The following ELMOD3 variants were observed in gnomAD, a reference collection of about 807,000 sequenced individuals.
The protein encoded by ELMOD3 is ELMO domain-containing protein 3.
Under a neutral mutation model 47.4 loss-of-function variants are expected in ELMOD3, and 36 were observed. The observed-to-expected ratio is 0.76, with a 90% CI of 0.58 to 1.00. The LOEUF (loss-of-function observed/expected upper bound fraction) is 1.00, where lower values mean the gene tolerates loss of function less well. Among genes scored for constraint, ELMOD3 ranks in the 50% least tolerant of loss-of-function variants. The pLI is 0.00. For synonymous variants in ELMOD3, 149 were observed against 183.5 expected, an observed-to-expected ratio of 0.81 and a Z score of 1.52; for missense variants, 404 against 463.8, an observed-to-expected ratio of 0.87 and a Z score of 1.18.
In ELMOD3 at chr2:85,371,785, G is replaced by A. The variant is rs1163153936; in HGVS notation, c.607+223G>A. 8.3e-6 allele frequency: 4 copies of A among 483,260 alleles called. No individual in the cohort carries two copies. In the Admixed American group the frequency reaches 1.4e-4, roughly 17 times the overall value. The allele number at this position is 483,260 out of a possible 1,614,324, so 29.9% of individuals were successfully genotyped here. ...GTGGTGGCTCACGCCTGTAATCCCA[G>A]CACTTTGGGAGGCTGAAGAGGGCAG... On this transcript the variant is annotated intron_variant, in intron 10 of 13. Transcript: ENST00000409013.
rs993433494 is a variant in ELMOD3, at chr2:85,390,877, C to T, written c.1061C>T (p.Pro354Leu). 3.2e-6 allele frequency: 5 copies of T among 1,551,556 alleles called. No homozygotes were observed. In the Admixed American group the frequency reaches 9.8e-5, roughly 30 times the overall value. The change falls in exon 14 of 14, where the codon CCA becomes CTA. Residue 354 changes from proline (P) to leucine (L), a missense_variant. Transcript: ENST00000409013. ...SLLGAQKCYG[P>L]EAPPFKDLTF... is the part of the protein sequence containing the mutation. ...TTGGGAGCACAGAAGTGCTATGGGC[C>T]AGAAGCCCCTCCCTTCAAGGATCTC...
chr2:85,368,581 T>TAA (rs898923797), intron 6 of ELMOD3, 105 bp from the exon 7 acceptor site: 95 of 907,370 alleles, frequency 1.0e-4, no homozygotes, highest in Non-Finnish European at 1.3e-4. Flanking sequence ...CCCCATCTCT[T>TAA]AAAAAAAAAA....
intron 8 of ELMOD3, among the ~76,000 whole-genome samples, chr2:85,370,194 G>A (rs1399032166): frequency 1.3e-5 from 2 of 152,128 alleles, no homozygotes; most frequent in Non-Finnish European, 2.9e-5. Context: ...TTCCCTCAAG[G>A]AACCAGAAGC....
chr2:85,360,359 CT>C (rs1195786903), intron 4 of ELMOD3, among the ~76,000 whole-genome samples: 136 of 128,944 alleles, frequency 1.1e-3, no homozygotes, highest in Admixed American at 1.0e-3. Context: ...GTTGGTTTTT[CT>C]TTTTTTTTTT....
Position 85,361,226 on chromosome 2 carries a change from AGC to A in ELMOD3, c.55-959_55-958del, listed in dbSNP as rs1431121770. 9.4e-4 allele frequency among the ~76,000 whole-genome samples: 143 copies of A among 152,358 alleles called. 1 individual carries two copies. The highest frequency in any genetic ancestry group is 1.4e-3 in the Non-Finnish European group (95 of 68,030). ...GGTCGGTTTTTTGTTTTTCATCTGT[AGC>A]AGGGGATAGGTTTGGCTGAGCAGAA... On this transcript the variant is annotated intron_variant, in intron 4 of 13. Coordinates refer to ENST00000409013, the MANE Select transcript of ELMOD3 (RefSeq NM_001135022.2).
chr2:85,375,719 T>C (rs1308148072), intron 10 of ELMOD3, among the ~76,000 whole-genome samples: 2 of 152,240 alleles, frequency 1.3e-5, no homozygotes, highest in Non-Finnish European at 2.9e-5. Context: ...TATTGTCTTA[T>C]AGTTTTCTAG....
intron 5 of ELMOD3, among the ~76,000 whole-genome samples, 177 bp from the exon 6 acceptor site, chr2:85,362,920 A>G (rs2104514938): frequency 6.6e-6 from 1 of 152,354 alleles, no homozygotes; most frequent in Middle Eastern, 3.4e-3. Flanking sequence ...TCCGTCTCAA[A>G]AAATAAATAA....
Position 85,368,677 on chromosome 2 carries a change from C to T in ELMOD3, c.200-9C>T. The T allele has an allele frequency of 6.2e-7, 1 of 1,613,982 alleles. No individual in the cohort carries two copies. Among genetic ancestry groups the T allele is most frequent in the Non-Finnish European group, 8.5e-7 (1 of 1,179,926 alleles). On this transcript the variant is annotated splice_polypyrimidine_tract_variant and intron_variant, in intron 6 of 13. Transcript: ENST00000409013. ...TCTCAGAGGGTCTCCTTTTCTCCTA[C>T]TATTGCAGTTGTGAGTACAGAGGTG...
intron 11 of ELMOD3, among the ~76,000 whole-genome samples, chr2:85,380,392 C>T (rs1685456333): frequency 6.6e-6 from 1 of 152,186 alleles, no homozygotes; most frequent in Non-Finnish European, 1.5e-5. Context: ...AATTCCTGTT[C>T]TGCTTTGATA....
intron 11 of ELMOD3, among the ~76,000 whole-genome samples, chr2:85,381,586 G>A (rs953516954): frequency 6.6e-6 from 1 of 152,198 alleles, no homozygotes; most frequent in Non-Finnish European, 1.5e-5. Flanking sequence ...AGGGGCTCAT[G>A]TGCTGCTTTT....
intron 4 of ELMOD3, chr2:85,357,548 C>T: frequency 4.2e-6 from 1 of 240,538 alleles, no homozygotes; most frequent in Non-Finnish European, 8.0e-6. Context: ...ACCTTACTAG[C>T]CTCTTCCCTG....
chr2:85,384,979 C>T (rs1167792759), intron 11 of ELMOD3, among the ~76,000 whole-genome samples: 1 of 152,056 alleles, frequency 6.6e-6, no homozygotes, highest in Non-Finnish European at 1.5e-5. Flanking sequence ...ATAGAGTGCT[C>T]TAGAAGGTAA....
rs1686322444 is a variant in ELMOD3, at chr2:85,391,065, A to G, written c.*103A>G. 8.6e-7 allele frequency: 1 copy of G among 1,159,606 alleles called. No homozygotes were observed. The highest frequency in any genetic ancestry group is 1.6e-5 in the African/African-American group (1 of 64,190). The allele number at this position is 1,159,606 out of a possible 1,614,324, so 71.8% of individuals were successfully genotyped here. ...GCCAGGCCGCACCCCTTGCTGTCTC[A>G]GCAGATGGGATATAGGAAGCTCCTG... is the stretch of plus-strand genomic sequence containing the variant. On this transcript the variant is annotated 3_prime_UTR_variant, in exon 14 of 14. Coordinates refer to ENST00000409013, the MANE Select transcript of ELMOD3 (RefSeq NM_001135022.2).
chr2:85,364,825 A>ATATATATATATAT (rs375582916), intron 6 of ELMOD3, among the ~76,000 whole-genome samples: 4 of 69,892 alleles, frequency 5.7e-5, no homozygotes, highest in Admixed American at 1.9e-4. Context: ...ATATATATAT[A>ATATATATATATAT]TTTTTTTTTT....
At chr2:85,381,426 C>T (rs1685532676) in intron 11 of ELMOD3, among the ~76,000 whole-genome samples, 1 of 152,140 alleles carries the variant, frequency 6.6e-6, no homozygotes, top group Admixed American at 6.5e-5. Context: ...CAGCATGAAG[C>T]CAATTAAATT....
intron 7 of ELMOD3, among the ~76,000 whole-genome samples, chr2:85,369,468 G>C (rs535427099): frequency 1.3e-5 from 2 of 152,338 alleles, no homozygotes; most frequent in African/African-American, 4.8e-5. Flanking sequence ...CCTCGTAGAT[G>C]AGAGCATTTA....
chr2:85,379,562 A>G (rs1685407329), intron 11 of ELMOD3, among the ~76,000 whole-genome samples: 1 of 152,226 alleles, frequency 6.6e-6, no homozygotes, highest in Non-Finnish European at 1.5e-5. Flanking sequence ...CCCAAACTGT[A>G]GAAAATTATT....
chr2:85,389,584 C>T (rs2104749956), intron 11 of ELMOD3, 167 bp from the exon 12 acceptor site: 1 of 627,736 alleles, frequency 1.6e-6, no homozygotes, highest in East Asian at 2.7e-5. Flanking sequence ...CTTAGTTCCT[C>T]ATCTGTAAGA....
intron 4 of ELMOD3, among the ~76,000 whole-genome samples, chr2:85,357,833 A>G (rs1186313409): frequency 6.6e-6 from 1 of 152,244 alleles, no homozygotes; most frequent in Non-Finnish European, 1.5e-5. Context: ...GGAGAAGGAA[A>G]GGAAGGATGA....
Sources: allele counts gnomAD v4.1 joint callset (sites outside exome capture counted in the v4.1 genomes callset), GRCh38; gene constraint gnomAD v4.1.1; transcripts MANE v1.5; gene names NCBI Gene and HGNC (gene_info 2026-07-23, HGNC 2026-07-21).